The following KDM2B variants were observed in gnomAD, a reference collection of about 807,000 sequenced individuals.
KDM2B encodes lysine demethylase 2B.
A neutral mutation model predicts 150.0 loss-of-function variants in KDM2B; 26 were observed. The observed-to-expected ratio is 0.17, with a 90% CI of 0.13 to 0.24. The LOEUF (loss-of-function observed/expected upper bound fraction) is 0.24, where lower values mean the gene tolerates loss of function less well. KDM2B is among the 10% of genes least tolerant of loss of function. KDM2B has a pLI of 1.00. For missense variants in KDM2B, 1,265 were observed against 1,816.9 expected, an observed-to-expected ratio of 0.70 and a Z score of 5.52; for synonymous variants, 734 against 729.5, an observed-to-expected ratio of 1.01 and a Z score of -0.10.
At chr12:121,577,458 C>T (rs1198611556) in intron 2 of KDM2B, among the ~76,000 whole-genome samples, 1 of 152,190 alleles carries the variant, frequency 6.6e-6, no homozygotes, top group African/African-American at 2.4e-5. Context: ...TGCTCTAGGA[C>T]CAGGCAGGCT....
chr12:121,500,505 C>T (rs957862571), intron 11 of KDM2B, among the ~76,000 whole-genome samples: 7 of 152,224 alleles, frequency 4.6e-5, no homozygotes, highest in Non-Finnish European at 1.0e-4. Context: ...GATTCGGGTC[C>T]CACTGCTTCC....
In KDM2B at chr12:121,467,471, G is replaced by C; in HGVS notation, c.1735-14127C>G. On this transcript the variant is annotated intron_variant, in intron 12 of 22. Transcript: ENST00000377071. The surrounding 1 kb of genome is among the most constrained non-coding windows in gnomAD (Gnocchi z 5.1). ...AAGGGGCTGGCCCCCCGGGCGGGCG[G>C]GCCAATGGCGCGGCCGCGGCGCTGG... The C allele has an allele frequency of 2.0e-6, 1 of 490,258 alleles. No homozygotes were observed. The highest frequency in any genetic ancestry group is 2.6e-6 in the Non-Finnish European group (1 of 380,076). The allele number at this position is 490,258 out of a possible 1,614,324, so 30.4% of individuals were successfully genotyped here. A position where few individuals can be genotyped will look rare whatever the true frequency, so the allele number is the denominator to read the frequency against.
rs1555289546 is a variant in KDM2B at position 121,444,278 on chromosome 12, A to G, written c.2191-6T>C. The G allele has an allele frequency of 6.2e-7, 1 of 1,613,642 alleles. No homozygotes were observed. The highest frequency in any genetic ancestry group is 1.7e-5 in the Admixed American group (1 of 59,964). On this transcript the variant is annotated splice_polypyrimidine_tract_variant and splice_region_variant and intron_variant, in intron 15 of 22. Coordinates refer to ENST00000377071, the MANE Select transcript of KDM2B (RefSeq NM_032590.5). ...AAGCCAGGGCCACGCTTTTGCTTGTAGGCCAAAAAGAGAGAATGAACAGAC... is the reference window on the plus strand; with the variant it reads ...AAGCCAGGGCCACGCTTTTGCTTGTGGGCCAAAAAGAGAGAATGAACAGAC...
At chr12:121,547,872 AC>A (rs1231336658) in intron 6 of KDM2B, among the ~76,000 whole-genome samples, 1 of 151,434 alleles carries the variant, frequency 6.6e-6, no homozygotes, top group Non-Finnish European at 1.5e-5. Context: ...CGAACTCCTG[AC>A]CTCGTGATCT....
Position 121,563,182 on chromosome 12 carries a change from G to A in KDM2B, c.397+11365C>T, listed in dbSNP as rs151309032. On this transcript the variant is annotated intron_variant, in intron 4 of 22. Transcript: ENST00000377071. ...AAATAAAAAATAACAACAATTAGCC[G>A]TGCATGCCCATAGTCCCAGCTACTA... Among the ~76,000 whole-genome samples the A allele has an allele frequency of 2.4e-3, 361 of 152,244 alleles. 3 individuals carry two copies. Among genetic ancestry groups the A allele is most frequent in the Admixed American group, 0.017 (255 of 15,278 alleles).
At chr12:121,450,812 G>C (rs527838120) in intron 13 of KDM2B, among the ~76,000 whole-genome samples, 19 of 151,774 alleles carry the variant, frequency 1.3e-4, no homozygotes, top group African/African-American at 4.4e-4. Flanking sequence ...AGTGAGCCGA[G>C]ATCGTGCCAC....
intron 12 of KDM2B, among the ~76,000 whole-genome samples, chr12:121,481,593 T>G (rs1401436735): frequency 6.6e-6 from 1 of 152,074 alleles, no homozygotes; most frequent in African/African-American, 2.4e-5. Context: ...TCAAATGTCC[T>G]CCTTTAATGT....
chr12:121,417,742 C>T, the KDM2B span: 2 of 1,614,166 alleles, frequency 1.2e-6, no homozygotes, highest in East Asian at 4.5e-5. The surrounding 1 kb of genome is among the most constrained non-coding windows in gnomAD (Gnocchi z 5.0). Context: ...GGACTAGGCT[C>T]TGAGGACGAC....
chr12:121,446,320 C>T (rs1336066266), intron 13 of KDM2B, among the ~76,000 whole-genome samples: 1 of 152,168 alleles, frequency 6.6e-6, no homozygotes, highest in Non-Finnish European at 1.5e-5. Context: ...ATGGCGTGAA[C>T]CCGGAAGACA....
rs1555289897 is a variant in KDM2B, at chr12:121,445,266, G to A, written c.2103+9C>T. ...CGTCAGCACCACCTGTCCCCACTGG[G>A]CCACTCACCTTAAGGCATCCAGGGT... On this transcript the variant is annotated intron_variant, in intron 14 of 22. Coordinates refer to ENST00000377071, the MANE Select transcript of KDM2B (RefSeq NM_032590.5). 1 of 1,612,954 alleles carries A rather than the reference G, an allele frequency of 6.2e-7. No homozygotes were observed. The highest frequency in any genetic ancestry group is 2.2e-5 in the East Asian group (1 of 44,876).
chr12:121,434,015 T>TA lies in KDM2B; in HGVS notation c.3830-3547dup, dbSNP rs564945049. On this transcript the variant is annotated intron_variant, in intron 22 of 22. Coordinates refer to ENST00000377071, the MANE Select transcript of KDM2B (RefSeq NM_032590.5). ...GCAACATAGCAAAAGCCTGTCTCTA[T>TA]AAAAAAACAAAAAACACCAAAATTA... Among the ~76,000 whole-genome samples, 24 of 151,398 alleles carry TA rather than the reference T, an allele frequency of 1.6e-4. No individual in the cohort carries two copies. The South Asian group carries it at 3.1e-3, about 20-fold the overall frequency.
intron 3 of KDM2B, among the ~76,000 whole-genome samples, chr12:121,574,941 G>C (rs1891403210): frequency 1.3e-5 from 2 of 152,166 alleles, no homozygotes; most frequent in Admixed American, 1.3e-4. Context: ...TTTTAGGGTG[G>C]GTAGCCCTCT....
At position 121,467,993 on chromosome 12, in the gene KDM2B, C is replaced by T. The variant is rs1555295234; in HGVS notation, c.1735-14649G>A. 6.5e-6 allele frequency: 1 copy of T among 152,736 alleles called. No individual in the cohort carries two copies. Among genetic ancestry groups the T allele is most frequent in the Non-Finnish European group, 1.5e-5 (1 of 68,476 alleles). The allele number at this position is 152,736 out of a possible 1,614,324, so 9.5% of individuals were successfully genotyped here. On this transcript the variant is annotated intron_variant, in intron 12 of 22. Coordinates refer to ENST00000377071, the MANE Select transcript of KDM2B (RefSeq NM_032590.5). The surrounding 1 kb of genome is among the most constrained non-coding windows in gnomAD (Gnocchi z 5.1). Reference sequence around the variant, plus strand: ...GCCTCCTGGCGCTGCACCTCCGGCACTCGGGTTCGCCTTTGCAGGGTCAAG... The same window carrying T: ...GCCTCCTGGCGCTGCACCTCCGGCATTCGGGTTCGCCTTTGCAGGGTCAAG...
rs115352253 is a variant in KDM2B, at chr12:121,574,448, T to C, written c.397+99A>G. ...TGCCTTCTCCCGTGGGGACTTTGTTTTGAGAGGCAGTTAAAAGTCTAAATG... is the reference window on the plus strand; with the variant it reads ...TGCCTTCTCCCGTGGGGACTTTGTTCTGAGAGGCAGTTAAAAGTCTAAATG... On this transcript the variant is annotated intron_variant, in intron 4 of 22. Coordinates refer to ENST00000377071, the MANE Select transcript of KDM2B (RefSeq NM_032590.5). 1.5e-4 allele frequency: 173 copies of C among 1,145,784 alleles called. 2 individuals carry two copies. In the African/African-American group the frequency reaches 2.6e-3, roughly 17 times the overall value. The allele number at this position is 1,145,784 out of a possible 1,614,324, so 71.0% of individuals were successfully genotyped here.
At chr12:121,572,560 T>C (rs1891178164) in intron 4 of KDM2B, among the ~76,000 whole-genome samples, 1 of 152,232 alleles carries the variant, frequency 6.6e-6, no homozygotes, top group Non-Finnish European at 1.5e-5. Context: ...AGGGCCTCCC[T>C]GACCACCCTG....
At chr12:121,498,124 G>GT (rs1393519494) in intron 11 of KDM2B, among the ~76,000 whole-genome samples, 1 of 151,964 alleles carries the variant, frequency 6.6e-6, no homozygotes, top group African/African-American at 2.4e-5. Flanking sequence ...AATAAATAAA[G>GT]TTTTTCCCTC....
intron 11 of KDM2B, among the ~76,000 whole-genome samples, chr12:121,495,014 T>TTC (rs1883769398): frequency 6.6e-6 from 1 of 151,648 alleles, no homozygotes; most frequent in Non-Finnish European, 1.5e-5. Context: ...TTTTTTTTTT[T>TTC]TGAGACAGAA....
intron 4 of KDM2B, among the ~76,000 whole-genome samples, chr12:121,572,967 A>G (rs1005823297): frequency 1.3e-5 from 2 of 151,852 alleles, no homozygotes; most frequent in Admixed American, 6.6e-5. Flanking sequence ...CTGGGACTAC[A>G]GGCGCCTGCC....
At chr12:121,472,178 A>AT (rs1268900544) in intron 12 of KDM2B, among the ~76,000 whole-genome samples, 2 of 152,170 alleles carry the variant, frequency 1.3e-5, no homozygotes, top group Admixed American at 6.6e-5. Context: ...CACAAGTAAT[A>AT]TGCCTAACAA....
Sources: gnomAD v4.1 joint callset for allele counts (sites outside exome capture counted in the v4.1 genomes callset) on GRCh38, gnomAD v4.1.1 for gene constraint, Gnocchi (gnomAD v3.1) non-coding constraint, MANE v1.5 for transcripts, NCBI Gene and HGNC (gene_info 2026-07-23, HGNC 2026-07-21) for gene names.